SLC9C1: variants seen among roughly 807,000 people sequenced by gnomAD.
SLC9C1 encodes the protein solute carrier family 9 member C1.
Under a neutral mutation model 140.9 loss-of-function variants are expected in SLC9C1, and 97 were observed. The observed-to-expected ratio is 0.69, with a 90% CI of 0.58 to 0.82. SLC9C1 has a LOEUF of 0.82. Ranked by LOEUF, SLC9C1 falls within the 40% of genes least tolerant of loss-of-function variation. SLC9C1 has a pLI of 0.00. For synonymous variants in SLC9C1, 440 were observed against 442.6 expected (o/e 0.99, Z 0.07); for missense variants, 1,340 against 1,389.3 (o/e 0.96, Z 0.56).
chr3:112,275,518 T>C (rs1342625215), intron 5 of SLC9C1, among the ~76,000 whole-genome samples: 1 of 152,174 alleles, frequency 6.6e-6, no homozygotes, highest in Admixed American at 6.5e-5. Flanking sequence ...GAGTTCCTGA[T>C]ACTACTCACT....
At chr3:112,251,295 A>T (rs977970399) in intron 10 of SLC9C1, among the ~76,000 whole-genome samples, 5 of 152,100 alleles carry the variant, frequency 3.3e-5, no homozygotes, top group African/African-American at 1.2e-4. Flanking sequence ...CCTCCCCTAC[A>T]CAGGGAAGTG....
At chr3:112,248,123 TA>T (rs2079344264) in intron 10 of SLC9C1, among the ~76,000 whole-genome samples, 2 of 152,274 alleles carry the variant, frequency 1.3e-5, no homozygotes, top group Admixed American at 1.3e-4. Context: ...CAAGCTGACC[TA>T]TGGAGAGGTC....
chr3:112,203,501 G>T (rs372491812), intron 17 of SLC9C1, among the ~76,000 whole-genome samples: 1 of 151,898 alleles, frequency 6.6e-6, no homozygotes, highest in Non-Finnish European at 1.5e-5. Flanking sequence ...TTCCTTGCAT[G>T]TGTAAGAAAG....
chr3:112,273,427 C>T (rs1361237332), intron 6 of SLC9C1, among the ~76,000 whole-genome samples: 2 of 152,124 alleles, frequency 1.3e-5, no homozygotes, highest in Admixed American at 6.6e-5. Context: ...CTCCAAGCTT[C>T]CATGGGCTAG....
intron 12 of SLC9C1, 80 bp from the exon 13 acceptor site, chr3:112,231,566 T>C: frequency 7.1e-7 from 1 of 1,403,990 alleles, no homozygotes; most frequent in Non-Finnish European, 9.6e-7. Context: ...GCAATTTTTG[T>C]ACCAGTTTGC....
chr3:112,189,385 C>T (rs1309942825), intron 20 of SLC9C1, among the ~76,000 whole-genome samples: 1 of 152,142 alleles, frequency 6.6e-6, no homozygotes, highest in Non-Finnish European at 1.5e-5. Context: ...AGTCTTTAAT[C>T]CATCTTGAAT....
chr3:112,216,895 C>T (rs2078389246), intron 15 of SLC9C1, among the ~76,000 whole-genome samples: 1 of 152,148 alleles, frequency 6.6e-6, no homozygotes, highest in Non-Finnish European at 1.5e-5. Flanking sequence ...GCTATAAAGA[C>T]ACATGCACAC....
chr3:112,212,012 C>T (rs13059345), intron 15 of SLC9C1, among the ~76,000 whole-genome samples: 69,147 of 152,034 alleles, frequency 0.45, 16,220 homozygotes, highest in East Asian at 0.63. Context: ...ATGAAACATC[C>T]GGAGGAATGA....
intron 13 of SLC9C1, 118 bp downstream of exon 13, chr3:112,231,240 ACTT>A (rs553431403): frequency 3.5e-4 from 403 of 1,166,530 alleles, no homozygotes; most frequent in African/African-American, 3.4e-3. Context: ...ACAATGTCAA[ACTT>A]CCCTTTGCCT....
chr3:112,249,366 G>A (rs2079384317), intron 10 of SLC9C1, among the ~76,000 whole-genome samples: 1 of 151,016 alleles, frequency 6.6e-6, no homozygotes, highest in South Asian at 2.1e-4. Flanking sequence ...ATTTTGTTGA[G>A]GATTTTTGCA....
At chr3:112,260,725 C>T (rs1170520460) in intron 10 of SLC9C1, among the ~76,000 whole-genome samples, 1 of 152,036 alleles carries the variant, frequency 6.6e-6, no homozygotes, top group African/African-American at 2.4e-5. Context: ...ACAACTTAAC[C>T]TATGTGGTTT....
At chr3:112,240,533 C>T (rs560761042) in intron 11 of SLC9C1, among the ~76,000 whole-genome samples, 2 of 152,250 alleles carry the variant, frequency 1.3e-5, no homozygotes, top group South Asian at 4.2e-4. Context: ...TGTTGGAGGC[C>T]TCAATAAAAC....
At chr3:112,212,519 A>G (rs2078237260) in intron 15 of SLC9C1, among the ~76,000 whole-genome samples, 1 of 152,246 alleles carries the variant, frequency 6.6e-6, no homozygotes, top group Admixed American at 6.5e-5. Context: ...AAAGGACCTG[A>G]TGGAGGTGAA....
chr3:112,172,701 T>C (rs2107930102), intron 23 of SLC9C1, among the ~76,000 whole-genome samples: 1 of 152,242 alleles, frequency 6.6e-6, no homozygotes, highest in South Asian at 2.1e-4. Context: ...CCTTATTGAG[T>C]TCAGGAAGTT....
intron 19 of SLC9C1, 61 bp from the exon 20 acceptor site, chr3:112,199,530 G>A (rs2077852952): frequency 2.2e-6 from 3 of 1,342,270 alleles, no homozygotes; most frequent in Admixed American, 5.2e-5. Context: ...GTTTTATGTG[G>A]ACAATAAGCT....
Position 112,151,287 on chromosome 3 carries a change from G to A in SLC9C1, c.3524+570C>T, listed in dbSNP as rs193092739. 634 of 514,908 alleles carry A rather than the reference G, an allele frequency of 1.2e-3. 9 individuals carry two copies. In the East Asian group the frequency reaches 0.015, roughly 12 times the overall value. The allele number at this position is 514,908 out of a possible 1,614,324, so 31.9% of individuals were successfully genotyped here. On this transcript the variant is annotated intron_variant, in intron 28 of 28. Coordinates refer to ENST00000305815, the MANE Select transcript of SLC9C1 (RefSeq NM_183061.3). ...GATACATTTTGAACAGTTAACTGTC[G>A]GACTGTCCTCCTCATTGTTCCCCAA...
At position 112,278,789 on chromosome 3, in the gene SLC9C1, T is replaced by A; in HGVS notation, c.258A>T (p.Val86=). Residue 86 remains valine (V), a synonymous_variant, in exon 4 of 29, where the codon GTA becomes GTT. Transcript: ENST00000305815. ...TGTCAAATGCAGTAGTAAAGAAAAC[T>A]ACTGGTGTAAATATACGAAAAAATA... is the stretch of plus-strand genomic sequence containing the variant. ...PDLFFRIFTP[V]VFFTTAFDMD... 6.2e-7 allele frequency: 1 copy of A among 1,611,404 alleles called. No individual in the cohort carries two copies. The highest frequency in any genetic ancestry group is 8.5e-7 in the Non-Finnish European group (1 of 1,178,858).
intron 20 of SLC9C1, chr3:112,185,696 C>T (rs1358912261): frequency 1.3e-6 from 2 of 1,545,444 alleles, no homozygotes; most frequent in Non-Finnish European, 1.7e-6. Flanking sequence ...CACGCTCGTG[C>T]CACCACTTGA....
chr3:112,165,973 G>T (rs2077124789), intron 26 of SLC9C1, among the ~76,000 whole-genome samples: 3 of 152,160 alleles, frequency 2.0e-5, no homozygotes, highest in Admixed American at 2.0e-4. Context: ...GCAATGGCGG[G>T]TCCCCCTCCC....
Sources: gnomAD v4.1 joint callset for allele counts (sites outside exome capture counted in the v4.1 genomes callset) on GRCh38, gnomAD v4.1.1 for gene constraint, MANE v1.5 for transcripts, NCBI Gene and HGNC (gene_info 2026-07-23, HGNC 2026-07-21) for gene names.